Variants in AMDHD2 observed in about 807,000 individuals in gnomAD.
The protein encoded by AMDHD2 is amidohydrolase domain containing 2, also known as N-acetylglucosamine-6-phosphate deacetylase.
Under a neutral mutation model 41.8 loss-of-function variants are expected in AMDHD2, and 24 were observed. That is an observed-to-expected ratio of 0.57 (90% CI 0.42 to 0.81). The LOEUF is 0.81. AMDHD2 is among the 30% of genes least tolerant of loss of function. AMDHD2 has a pLI of 0.00. For missense variants in AMDHD2, 540 were observed against 588.5 expected (o/e 0.92, Z 0.85); for synonymous variants, 332 against 255.5 (o/e 1.30, Z -2.85).
chr16:2,520,401 G>A lies in AMDHD2; in HGVS notation c.-58G>A, dbSNP rs1232275065. 1 of 1,208,702 alleles carries A rather than the reference G, an allele frequency of 8.3e-7. No individual in the cohort carries two copies. Among genetic ancestry groups the A allele is most frequent in the Admixed American group, 4.3e-5 (1 of 23,168 alleles). The allele number at this position is 1,208,702 out of a possible 1,614,324, so 74.9% of individuals were successfully genotyped here. A position where few individuals can be genotyped will look rare whatever the true frequency, so the allele number is the denominator to read the frequency against. ...AGCTCTCGGCTGGGGTTCGTCACTG[G>A]GCGCGGGATTTGGCCGCCGCGGGGC... On this transcript the variant is annotated 5_prime_UTR_variant, in exon 1 of 11. Transcript: ENST00000293971.
intron 3 of AMDHD2, among the ~76,000 whole-genome samples, chr16:2,521,885 C>T (rs1205002305): frequency 4.0e-5 from 6 of 150,058 alleles, no homozygotes; most frequent in Non-Finnish European, 5.9e-5. Flanking sequence ...CCAGGGTTCA[C>T]GCCATTCTCC....
chr16:2,523,275 C>T (rs911834468), intron 3 of AMDHD2, among the ~76,000 whole-genome samples: 1 of 152,180 alleles, frequency 6.6e-6, no homozygotes, highest in South Asian at 2.1e-4. Flanking sequence ...GAGCCCCCGC[C>T]GTTTTCCCCT....
intron 10 of AMDHD2, 71 bp downstream of exon 10, chr16:2,529,166 T>C: frequency 7.1e-7 from 1 of 1,401,928 alleles, no homozygotes; most frequent in Non-Finnish European, 9.5e-7. Context: ...TGGGGCGGCC[T>C]GGACAGGGCC....
chr16:2,520,862 G>A lies in AMDHD2; in HGVS notation c.177G>A (p.Gly59=), dbSNP rs779288072. ...RRVADERRDC[G]GRILAPGFID... ...TGGCCGACGAGCGGCGGGACTGCGG[G>A]GGCCGCATCTTGGCTCCCGGATTCA... is the stretch of plus-strand genomic sequence containing the variant. Residue 59 remains glycine (G), a synonymous_variant, in exon 2 of 11, where the codon GGG becomes GGA. Transcript: ENST00000293971. The A allele has an allele frequency of 3.2e-5, 51 of 1,610,070 alleles. No homozygotes were observed. The highest frequency in any genetic ancestry group is 2.2e-5 in the East Asian group (1 of 44,646).
At chr16:2,521,534 C>T (rs2065937225) in intron 3 of AMDHD2, among the ~76,000 whole-genome samples, 1 of 152,196 alleles carries the variant, frequency 6.6e-6, no homozygotes, top group Non-Finnish European at 1.5e-5. Flanking sequence ...CAGTGGAACA[C>T]GCCTTCCAGA....
Position 2,530,096 on chromosome 16 carries a change from G to A in AMDHD2, c.*533G>A. 2.6e-6 allele frequency: 3 copies of A among 1,132,898 alleles called. No individual in the cohort carries two copies. Among genetic ancestry groups the A allele is most frequent in the Non-Finnish European group, 2.4e-6 (2 of 824,726 alleles). 70.2% of individuals were successfully genotyped at this position (1,132,898 alleles called of 1,614,324 possible). ...GCGTGGAGCCCACAGCCTGGTTCTG[G>A]GCCAGGGCACAGTGCCAGGGGCTCC... On this transcript the variant is annotated 3_prime_UTR_variant, in exon 11 of 11. Transcript: ENST00000293971.
In AMDHD2 at chr16:2,529,544, C is replaced by T. The variant is rs769668783; in HGVS notation, c.1211C>T (p.Ala404Val). 1.1e-5 allele frequency: 18 copies of T among 1,578,350 alleles called. No homozygotes were observed. The highest frequency in any genetic ancestry group is 4.5e-5 in the East Asian group (2 of 44,048). The change falls in exon 11 of 11, where the codon GCG becomes GTG. Residue 404 changes from alanine to valine, a missense_variant. Physicochemically the swap from Ala to Val is moderately conservative, Grantham distance 64. Coordinates refer to ENST00000293971, the MANE Select transcript of AMDHD2 (RefSeq NM_001330449.2). ...TYISGELVWQ[A>V]DAARQ ...ATCTCGGGTGAGCTGGTGTGGCAGG[C>T]GGACGCAGCTAGGCAGTGACAAGGA...
Position 2,530,908 on chromosome 16 carries a change from C to T in AMDHD2, c.*1345C>T. 2 of 1,613,524 alleles carry T rather than the reference C, an allele frequency of 1.2e-6. No homozygotes were observed. The highest frequency in any genetic ancestry group is 4.5e-5 in the East Asian group (2 of 44,886). On this transcript the variant is annotated 3_prime_UTR_variant, in exon 11 of 11. Coordinates refer to ENST00000293971, the MANE Select transcript of AMDHD2 (RefSeq NM_001330449.2). Reference sequence around the variant, plus strand: ...ACCTCTGCCTTGACGGCCGCGCACCCCTTAGGAAGTGGCTGTCCAGCGCCT... The same window carrying T: ...ACCTCTGCCTTGACGGCCGCGCACCTCTTAGGAAGTGGCTGTCCAGCGCCT...
rs891694534 is a variant in AMDHD2 at position 2,527,008 on chromosome 16, T to G, written c.361-553T>G. On this transcript the variant is annotated intron_variant, in intron 3 of 10. Transcript: ENST00000293971. The surrounding 1 kb of genome is among the most constrained non-coding windows in gnomAD (Gnocchi z 6.1). ...GTACAATCCAGCCACCATCCTCACC[T>G]GAAGCTCTTCTCTCTGGGAAGGCTC... is the stretch of plus-strand genomic sequence containing the variant. 1.3e-5 allele frequency: 2 copies of G among 156,596 alleles called. No individual in the cohort carries two copies. Among genetic ancestry groups the G allele is most frequent in the African/African-American group, 2.4e-5 (1 of 41,490 alleles). 9.7% of individuals were successfully genotyped at this position (156,596 alleles called of 1,614,324 possible).
chr16:2,529,145 T>C (rs1399039891), intron 10 of AMDHD2, 50 bp downstream of exon 10: 17 of 1,467,876 alleles, frequency 1.2e-5, no homozygotes, highest in Non-Finnish European at 1.4e-5. Flanking sequence ...GCCTGTAGAC[T>C]CTGTTGTTCC....
At position 2,521,029 on chromosome 16, in the gene AMDHD2, C is replaced by G. The variant is rs1243344986; in HGVS notation, c.266C>G (p.Ser89Trp). The change falls in exon 3 of 11, where the codon TCG becomes TGG. Residue 89 changes from serine (S) to tryptophan (W), a missense_variant. Coordinates refer to ENST00000293971, the MANE Select transcript of AMDHD2 (RefSeq NM_001330449.2). ...DFSQATEDVGSGVALVARRIL... is the reference protein window; with the variant it reads ...DFSQATEDVGWGVALVARRIL... ...TCTCAAGCCACGGAGGACGTGGGTT[C>G]GGGGGTTGCCCTCGTGGCCCGGAGG... The G allele has an allele frequency of 6.2e-7, 1 of 1,611,268 alleles. No homozygotes were observed. Among genetic ancestry groups the G allele is most frequent in the Admixed American group, 1.7e-5 (1 of 59,714 alleles).
chr16:2,521,413 C>T (rs892511817), intron 3 of AMDHD2, among the ~76,000 whole-genome samples: 10 of 152,148 alleles, frequency 6.6e-5, no homozygotes, highest in Non-Finnish European at 1.3e-4. Flanking sequence ...CTCTGGCTGC[C>T]TCCAGGCTTC....
rs1005889924 is a variant in AMDHD2 at position 2,530,065 on chromosome 16, T to C, written c.*502T>C. The stretch of plus-strand genomic sequence containing the variant: ...TTTGCTTTCTGCTCCTGAGTTGGGG[T>C]GTGCAGCGTGGAGCCCACAGCCTGG... On this transcript the variant is annotated 3_prime_UTR_variant, in exon 11 of 11. Coordinates refer to ENST00000293971, the MANE Select transcript of AMDHD2 (RefSeq NM_001330449.2). 4.6e-6 allele frequency: 4 copies of C among 861,120 alleles called. No individual in the cohort carries two copies. The highest frequency in any genetic ancestry group is 6.9e-6 in the Non-Finnish European group (4 of 579,928). The allele number at this position is 861,120 out of a possible 1,614,324, so 53.3% of individuals were successfully genotyped here.
chr16:2,523,045 T>C (rs2065961993), intron 3 of AMDHD2, among the ~76,000 whole-genome samples: 1 of 152,014 alleles, frequency 6.6e-6, no homozygotes, highest in Non-Finnish European at 1.5e-5. Context: ...GGTTTCACCA[T>C]ACTGGCCAGG....
chr16:2,530,740 C>G lies in AMDHD2; in HGVS notation c.*1177C>G. 6.2e-7 allele frequency: 1 copy of G among 1,613,852 alleles called. No homozygotes were observed. The highest frequency in any genetic ancestry group is 8.5e-7 in the Non-Finnish European group (1 of 1,179,992). On this transcript the variant is annotated 3_prime_UTR_variant, in exon 11 of 11. Transcript: ENST00000293971. Reference sequence around the variant, plus strand: ...GAACAGCCAGGGAAGAACCACCTGCCTGGGCAGGGCCTCGCCTGAGGGAGG... The same window carrying G: ...GAACAGCCAGGGAAGAACCACCTGCGTGGGCAGGGCCTCGCCTGAGGGAGG...
rs2066059168 is a variant in AMDHD2 at position 2,529,649 on chromosome 16, T to G, written c.*86T>G. 1.9e-6 allele frequency: 3 copies of G among 1,580,746 alleles called. No individual in the cohort carries two copies. The highest frequency in any genetic ancestry group is 2.6e-6 in the Non-Finnish European group (3 of 1,170,230). ...GGGGAGCTGGTCTCCAGGGAGTGAG[T>G]CGGGAGCCCTGCTGGATTGATGCCC... is the stretch of plus-strand genomic sequence containing the variant. On this transcript the variant is annotated 3_prime_UTR_variant, in exon 11 of 11. Coordinates refer to ENST00000293971, the MANE Select transcript of AMDHD2 (RefSeq NM_001330449.2).
chr16:2,524,924 G>T (rs937630335), intron 3 of AMDHD2, among the ~76,000 whole-genome samples: 6 of 151,604 alleles, frequency 4.0e-5, no homozygotes, highest in African/African-American at 1.5e-4. Context: ...GGAGTGGTGT[G>T]AAGGGATGTG....
Position 2,520,875 on chromosome 16 carries a change from G to A in AMDHD2, c.190G>A (p.Ala64Thr). 1.9e-6 allele frequency: 3 copies of A among 1,609,726 alleles called. No individual in the cohort carries two copies. ...ERRDCGGRIL[A>T]PGFIDVQING... ...GCGGGACTGCGGGGGCCGCATCTTGGCTCCCGGATTCATCGACGTGCAGAT... is the reference window on the plus strand; with the variant it reads ...GCGGGACTGCGGGGGCCGCATCTTGACTCCCGGATTCATCGACGTGCAGAT... The change falls in exon 2 of 11, where the codon GCT becomes ACT. Residue 64 changes from alanine (A) to threonine (T), a missense_variant. Ala to Thr is a moderately conservative substitution (Grantham distance 58). Transcript: ENST00000293971.
rs546298668 is a variant in AMDHD2, at chr16:2,531,011, T to C, written c.*1448T>C. 6 of 1,612,428 alleles carry C rather than the reference T, an allele frequency of 3.7e-6. No individual in the cohort carries two copies. Among genetic ancestry groups the C allele is most frequent in the South Asian group, 1.1e-5 (1 of 91,002 alleles). ...AGAGGCAGGTGAGGTTCTCAGCCGA[T>C]GTGTTAGAGGTTGAGCATCGCCTGT... On this transcript the variant is annotated 3_prime_UTR_variant, in exon 11 of 11. Transcript: ENST00000293971.
Sources: allele counts gnomAD v4.1 joint callset (sites outside exome capture counted in the v4.1 genomes callset), GRCh38; gene constraint gnomAD v4.1.1; non-coding constraint Gnocchi (gnomAD v3.1); transcripts MANE v1.5; gene names NCBI Gene and HGNC (gene_info 2026-07-23, HGNC 2026-07-21).